The following TBC1D30 variants were observed in gnomAD, a reference collection of about 807,000 sequenced individuals.
The protein encoded by TBC1D30 is TBC1 domain family member 30.
In TBC1D30, 31 loss-of-function variants were observed where a neutral mutation model predicts 63.2. The observed-to-expected ratio is 0.49, with a 90% CI of 0.37 to 0.66. The LOEUF (loss-of-function observed/expected upper bound fraction) is 0.66, where lower values mean the gene tolerates loss of function less well. Ranked by LOEUF, TBC1D30 falls within the 30% of genes least tolerant of loss-of-function variation. TBC1D30 has a pLI of 0.00. For missense variants in TBC1D30, 810 were observed against 953.6 expected (o/e 0.85, Z 1.98); for synonymous variants, 307 against 361.5 (o/e 0.85, Z 1.71).
chr12:64,783,331 A>G (rs1871386901), intron 1 of TBC1D30, among the ~76,000 whole-genome samples: 1 of 152,206 alleles, frequency 6.6e-6, no homozygotes, highest in South Asian at 2.1e-4. Flanking sequence ...TGGACAAGCT[A>G]TTTAACATCT....
intron 2 of TBC1D30, among the ~76,000 whole-genome samples, chr12:64,792,912 GGCTT>G (rs1872015223): frequency 6.6e-6 from 1 of 152,102 alleles, no homozygotes; most frequent in African/African-American, 2.4e-5. Context: ...TTGGGGGAGA[GGCTT>G]GCTTTTTGTT....
At position 64,839,767 on chromosome 12, in the gene TBC1D30, G is replaced by A. The variant is rs143384296; in HGVS notation, c.932+916G>A. ...CACGCCTATAATCCCAGCACTTTGGGAGGCTGAGGCAGTGGGTCACGAGTT... is the reference window on the plus strand; with the variant it reads ...CACGCCTATAATCCCAGCACTTTGGAAGGCTGAGGCAGTGGGTCACGAGTT... On this transcript the variant is annotated intron_variant, in intron 7 of 11. Transcript: ENST00000539867. Among the ~76,000 whole-genome samples, 686 of 152,170 alleles carry A rather than the reference G, an allele frequency of 4.5e-3. 4 individuals are homozygous for A. The highest frequency in any genetic ancestry group is 0.015 in the African/African-American group (623 of 41,482).
At chr12:64,809,429 T>A (rs952277331) in intron 2 of TBC1D30, among the ~76,000 whole-genome samples, 28 of 152,344 alleles carry the variant, frequency 1.8e-4, no homozygotes, top group African/African-American at 6.7e-4. Flanking sequence ...TGCCATTATT[T>A]CATTCCTTTT....
chr12:64,816,277 C>T (rs931675086), intron 2 of TBC1D30, among the ~76,000 whole-genome samples: 1 of 152,186 alleles, frequency 6.6e-6, no homozygotes, highest in Admixed American at 6.5e-5. Context: ...AGGTGATCTG[C>T]CTGCCTTGGC....
chr12:64,778,331 A>G (rs1442828670), upstream of TBC1D30, among the ~76,000 whole-genome samples: 4 of 152,150 alleles, frequency 2.6e-5, no homozygotes, highest in Non-Finnish European at 5.9e-5. Flanking sequence ...TGATGGGCAT[A>G]TATCAATGAA....
rs563958891 is a variant in TBC1D30, at chr12:64,880,351, A to G, written c.*4563A>G. ...TCAGTTCAGGCTGCTGTAACAAAGTACCATAGACTGAGGTGGCTTAAACAC... is the reference window on the plus strand; with the variant it reads ...TCAGTTCAGGCTGCTGTAACAAAGTGCCATAGACTGAGGTGGCTTAAACAC... On this transcript the variant is annotated 3_prime_UTR_variant, in exon 12 of 12. Transcript: ENST00000539867. 3.3e-5 allele frequency: 5 copies of G among 152,368 alleles called. No homozygotes were observed. Among genetic ancestry groups the G allele is most frequent in the South Asian group, 2.1e-4 (1 of 4,826 alleles). 9.4% of individuals were successfully genotyped at this position (152,368 alleles called of 1,614,324 possible).
At chr12:64,871,001 T>C (rs1296371080) in intron 11 of TBC1D30, among the ~76,000 whole-genome samples, 193 bp downstream of exon 11, 1 of 152,204 alleles carries the variant, frequency 6.6e-6, no homozygotes, top group African/African-American at 2.4e-5. Flanking sequence ...AGAAAAAGAC[T>C]GCAGGTTCTT....
chr12:64,785,442 C>T (rs2136295423), intron 1 of TBC1D30, among the ~76,000 whole-genome samples: 2 of 125,508 alleles, frequency 1.6e-5, no homozygotes, highest in Admixed American at 1.8e-4. Context: ...GCCACCACGC[C>T]TGGCCTTTAA....
At chr12:64,836,019 A>C (rs1369767679) in intron 5 of TBC1D30, among the ~76,000 whole-genome samples, 3 of 152,224 alleles carry the variant, frequency 2.0e-5, no homozygotes, top group Non-Finnish European at 4.4e-5. Flanking sequence ...TTGCTCTAAT[A>C]GCCCAGGTTG....
upstream of TBC1D30, among the ~76,000 whole-genome samples, chr12:64,776,180 A>G (rs1438431699): frequency 6.6e-6 from 1 of 152,210 alleles, no homozygotes; most frequent in South Asian, 2.1e-4. Context: ...TCTCAAGTTA[A>G]CAACCTAATA....
At chr12:64,865,788 T>C (rs1878160163) in intron 9 of TBC1D30, among the ~76,000 whole-genome samples, 1 of 152,158 alleles carries the variant, frequency 6.6e-6, no homozygotes, top group South Asian at 2.1e-4. Flanking sequence ...CCTAGGAGTT[T>C]GTAATAGTAT....
intron 1 of TBC1D30, among the ~76,000 whole-genome samples, chr12:64,826,914 A>G: frequency 6.6e-6 from 1 of 152,262 alleles, no homozygotes; most frequent in East Asian, 1.9e-4. Context: ...GTGTATATAT[A>G]TATTTTTTAA....
At chr12:64,795,828 C>T (rs1034312458) in intron 2 of TBC1D30, among the ~76,000 whole-genome samples, 3 of 147,010 alleles carry the variant, frequency 2.0e-5, no homozygotes, top group Admixed American at 6.9e-5. Flanking sequence ...TTCAATCTTC[C>T]GTCTTACCCA....
At chr12:64,792,567 ATTAT>A (rs1186497286) in intron 2 of TBC1D30, among the ~76,000 whole-genome samples, 1 of 151,976 alleles carries the variant, frequency 6.6e-6, no homozygotes, top group Admixed American at 6.6e-5. Context: ...TAGGCTAGTT[ATTAT>A]TTATTTATTT....
At chr12:64,835,677 C>T (rs1005473751) in intron 5 of TBC1D30, among the ~76,000 whole-genome samples, 1 of 152,086 alleles carries the variant, frequency 6.6e-6, no homozygotes, top group Non-Finnish European at 1.5e-5. Context: ...ACTATTATAA[C>T]TCTGAAAATA....
chr12:64,838,903 A>G, intron 7 of TBC1D30, 52 bp downstream of exon 7: 1 of 1,489,908 alleles, frequency 6.7e-7, no homozygotes, highest in Non-Finnish European at 9.0e-7. Flanking sequence ...GGCCTTAAGC[A>G]GTTTTTGTGC....
intron 2 of TBC1D30, among the ~76,000 whole-genome samples, chr12:64,789,576 A>G (rs1871805827): frequency 6.6e-6 from 1 of 152,220 alleles, no homozygotes; most frequent in Non-Finnish European, 1.5e-5. Context: ...AAAAGGGAAT[A>G]TAGTAATTTT....
intron 5 of TBC1D30, among the ~76,000 whole-genome samples, chr12:64,836,223 G>C (rs1875335047): frequency 6.6e-6 from 1 of 152,170 alleles, no homozygotes; most frequent in Admixed American, 6.5e-5. Flanking sequence ...AGCTACTTAT[G>C]GGCCGAACTC....
chr12:64,870,328 G>A (rs1878554267), intron 10 of TBC1D30, among the ~76,000 whole-genome samples: 1 of 152,158 alleles, frequency 6.6e-6, no homozygotes, highest in East Asian at 1.9e-4. Flanking sequence ...AGCAGTTGAT[G>A]TTATGTCTAT....
Sources: gnomAD v4.1 joint callset for allele counts (sites outside exome capture counted in the v4.1 genomes callset) on GRCh38, gnomAD v4.1.1 for gene constraint, MANE v1.5 for transcripts, NCBI Gene and HGNC (gene_info 2026-07-23, HGNC 2026-07-21) for gene names.